LRBA: variants seen among roughly 807,000 people sequenced by gnomAD.
LRBA encodes LPS responsive beige-like anchor protein.
In LRBA, 176 loss-of-function variants were observed where a neutral mutation model predicts 330.0. That is an observed-to-expected ratio of 0.53 (90% CI 0.47 to 0.60). The LOEUF is 0.60. LRBA is among the 20% of genes least tolerant of loss of function. The pLI, the probability that LRBA is intolerant of heterozygous loss-of-function variation, is 0.00. For missense variants in LRBA, 3,259 were observed against 3,444.8 expected (o/e 0.95, Z 1.35); for synonymous variants, 1,230 against 1,193.0 (o/e 1.03, Z -0.64).
At chr4:150,601,271 AAATTAT>A (rs1774084161) in intron 37 of LRBA, among the ~76,000 whole-genome samples, 1 of 152,182 alleles carries the variant, frequency 6.6e-6, no homozygotes, top group Admixed American at 6.5e-5. Context: ...ATAACAATTA[AAATTAT>A]AAGAGATGTT....
At chr4:150,875,246 C>T (rs559989717) in intron 17 of LRBA, among the ~76,000 whole-genome samples, 5 of 152,298 alleles carry the variant, frequency 3.3e-5, no homozygotes, top group South Asian at 2.1e-4. Context: ...CCCACCATTC[C>T]GGTGCAGAAA....
At chr4:150,410,099 T>C (rs1162485980) in intron 47 of LRBA, among the ~76,000 whole-genome samples, 1 of 152,166 alleles carries the variant, frequency 6.6e-6, no homozygotes, top group Non-Finnish European at 1.5e-5. Context: ...CAAAAATTTT[T>C]TTTTTTAAAT....
At chr4:150,717,004 A>G (rs1439313000) in intron 36 of LRBA, among the ~76,000 whole-genome samples, 1 of 152,208 alleles carries the variant, frequency 6.6e-6, no homozygotes, top group Non-Finnish European at 1.5e-5. Context: ...GAAATGAGAC[A>G]ATGTGTACTA....
intron 36 of LRBA, among the ~76,000 whole-genome samples, chr4:150,731,187 T>C (rs576565216): frequency 1.7e-4 from 26 of 152,232 alleles, no homozygotes; most frequent in African/African-American, 6.0e-4. Flanking sequence ...ACATACACTA[T>C]TGGTGGAGTG....
intron 37 of LRBA, among the ~76,000 whole-genome samples, chr4:150,603,781 C>T (rs927725609): frequency 6.6e-6 from 1 of 152,126 alleles, no homozygotes; most frequent in African/African-American, 2.4e-5. Flanking sequence ...ATTACAGACA[C>T]AAGCCACTGA....
chr4:150,914,636 C>T (rs1054874708), intron 8 of LRBA, among the ~76,000 whole-genome samples: 1 of 152,076 alleles, frequency 6.6e-6, no homozygotes, highest in Admixed American at 6.6e-5. Flanking sequence ...CTTCACCTAT[C>T]TGTAAAATGA....
At chr4:150,470,487 T>C (rs1007649933) in intron 43 of LRBA, among the ~76,000 whole-genome samples, 1 of 152,258 alleles carries the variant, frequency 6.6e-6, no homozygotes, top group Admixed American at 6.5e-5. Flanking sequence ...CTCACATCTC[T>C]TGGTGATTTC....
At chr4:150,610,020 A>T (rs140544392) in intron 37 of LRBA, among the ~76,000 whole-genome samples, 1 of 152,330 alleles carries the variant, frequency 6.6e-6, no homozygotes, top group African/African-American at 2.4e-5. Context: ...GAAGAGAAGA[A>T]AAACTAAAGA....
At chr4:150,397,579 A>T (rs1744903582) in intron 47 of LRBA, among the ~76,000 whole-genome samples, 1 of 152,214 alleles carries the variant, frequency 6.6e-6, no homozygotes, top group South Asian at 2.1e-4. Context: ...TGCCAGGCCT[A>T]AGAATGTATT....
At chr4:150,776,947 TA>T (rs1737423542) in intron 34 of LRBA, among the ~76,000 whole-genome samples, 1 of 152,216 alleles carries the variant, frequency 6.6e-6, no homozygotes, top group Non-Finnish European at 1.5e-5. Context: ...TGAAAATCTC[TA>T]AAAAATAGAA....
At chr4:150,608,747 G>A (rs998123236) in intron 37 of LRBA, among the ~76,000 whole-genome samples, 9 of 152,024 alleles carry the variant, frequency 5.9e-5, no homozygotes, top group South Asian at 2.1e-4. Context: ...CCCATTACCC[G>A]TCATTCCACA....
At chr4:150,592,864 C>T (rs1483984701) in intron 38 of LRBA, among the ~76,000 whole-genome samples, 1 of 152,088 alleles carries the variant, frequency 6.6e-6, no homozygotes, top group Non-Finnish European at 1.5e-5. Context: ...AACTACTGGG[C>T]TCAAGCAATC....
In LRBA at chr4:150,506,734, C is replaced by T. The variant is rs559161640; in HGVS notation, c.6331-15699G>A. On this transcript the variant is annotated intron_variant, in intron 40 of 56. Coordinates refer to ENST00000651943, the MANE Select transcript of LRBA (RefSeq NM_001364905.1). ...TGTTGGAAGTTCTGGCCAGGGCAAT[C>T]CGTCAGGAGAAAGAAAGAAAGGGTA... Among the ~76,000 whole-genome samples the T allele has an allele frequency of 8.5e-5, 13 of 152,240 alleles. No individual in the cohort carries two copies. The East Asian group carries it at 9.7e-4, about 11-fold the overall frequency.
At chr4:150,776,134 T>C (rs1040541337) in intron 34 of LRBA, among the ~76,000 whole-genome samples, 1 of 152,120 alleles carries the variant, frequency 6.6e-6, no homozygotes, top group African/African-American at 2.4e-5. Flanking sequence ...AAAAGATTAA[T>C]GTTCAAAGTT....
At chr4:150,996,915 T>C (rs1215514655) in intron 2 of LRBA, among the ~76,000 whole-genome samples, 1 of 152,158 alleles carries the variant, frequency 6.6e-6, no homozygotes, top group Admixed American at 6.5e-5. Context: ...AGTTGTTACA[T>C]GGAAAAAATA....
chr4:150,779,750 A>T (rs1182680043), intron 34 of LRBA, among the ~76,000 whole-genome samples: 1 of 152,172 alleles, frequency 6.6e-6, no homozygotes, highest in Non-Finnish European at 1.5e-5. Flanking sequence ...CATTTCTTGA[A>T]TCCACATATA....
intron 35 of LRBA, among the ~76,000 whole-genome samples, chr4:150,760,682 C>T (rs945725396): frequency 6.6e-6 from 1 of 152,030 alleles, no homozygotes; most frequent in African/African-American, 2.4e-5. Flanking sequence ...CCATAACCTC[C>T]AATTTTCTAA....
chr4:150,844,127 C>T lies in LRBA; in HGVS notation c.4542G>A (p.Arg1514=). 1 of 1,610,710 alleles carries T rather than the reference C, an allele frequency of 6.2e-7. No individual in the cohort carries two copies. Among genetic ancestry groups the T allele is most frequent in the Non-Finnish European group, 8.5e-7 (1 of 1,177,726 alleles). Residue 1514 remains arginine (R), a synonymous_variant, in exon 28 of 57, where the codon CGG becomes CGA. Transcript: ENST00000651943. ...DRLLQDMDIN[R]LRAVVFRDIE... is the part of the protein sequence containing the mutation. Reference sequence around the variant, plus strand: ...TGTCTCTGAAAACAACTGCCCTAAGCCGATTAATATCCATGTCCTGTAGAA... The same window carrying T: ...TGTCTCTGAAAACAACTGCCCTAAGTCGATTAATATCCATGTCCTGTAGAA...
At chr4:150,513,913 A>T (rs1378173788) in intron 40 of LRBA, among the ~76,000 whole-genome samples, 1 of 152,170 alleles carries the variant, frequency 6.6e-6, no homozygotes, top group Non-Finnish European at 1.5e-5. Context: ...AAACTTGGGG[A>T]TGCGAGGGAA....
Sources: allele counts gnomAD v4.1 joint callset (sites outside exome capture counted in the v4.1 genomes callset), GRCh38; gene constraint gnomAD v4.1.1; transcripts MANE v1.5; gene names NCBI Gene and HGNC (gene_info 2026-07-23, HGNC 2026-07-21).